Variants in PDZRN4 observed in about 807,000 individuals in gnomAD.
PDZRN4 encodes PDZ domain containing ring finger 4, also known as PDZ domain-containing RING finger protein 4.
In PDZRN4, 70 loss-of-function variants were observed where a neutral mutation model predicts 99.0. The ratio of observed to expected loss-of-function variants is 0.71; its 90% CI spans 0.58 to 0.86. The LOEUF is 0.86. Among genes scored for constraint, PDZRN4 ranks in the 40% least tolerant of loss-of-function variants. PDZRN4 has a pLI of 0.00. For missense variants in PDZRN4, 1,474 were observed against 1,331.2 expected, an observed-to-expected ratio of 1.11 and a Z score of -1.67; for synonymous variants, 551 against 501.6, an observed-to-expected ratio of 1.10 and a Z score of -1.32.
intron 3 of PDZRN4, among the ~76,000 whole-genome samples, chr12:41,207,694 G>A (rs947496787): frequency 1.3e-5 from 2 of 151,838 alleles, no homozygotes; most frequent in East Asian, 1.9e-4. Context: ...CCAACCACCA[G>A]GCAAATGGCT....
chr12:41,353,047 A>G (rs1037307822), intron 3 of PDZRN4, among the ~76,000 whole-genome samples: 3 of 151,782 alleles, frequency 2.0e-5, no homozygotes, highest in Non-Finnish European at 4.4e-5. Context: ...ATCTGGGAAA[A>G]CGAAGAGAGA....
At chr12:41,489,168 T>C (rs1309034555) in intron 3 of PDZRN4, among the ~76,000 whole-genome samples, 1 of 152,144 alleles carries the variant, frequency 6.6e-6, no homozygotes, top group Non-Finnish European at 1.5e-5. Context: ...CTTCTCCCAA[T>C]GTAGCCCAGG....
At chr12:41,373,151 A>G (rs1003097678) in intron 3 of PDZRN4, among the ~76,000 whole-genome samples, 1 of 152,266 alleles carries the variant, frequency 6.6e-6, no homozygotes, top group Non-Finnish European at 1.5e-5. Context: ...TTCACAAGGT[A>G]ATAGAATATC....
At chr12:41,392,201 C>T (rs1952215096) in intron 3 of PDZRN4, among the ~76,000 whole-genome samples, 1 of 152,068 alleles carries the variant, frequency 6.6e-6, no homozygotes, top group Admixed American at 6.6e-5. Flanking sequence ...ATTCAAGATT[C>T]CCCAATGGCT....
intron 3 of PDZRN4, among the ~76,000 whole-genome samples, chr12:41,456,801 G>A (rs564954743): frequency 3.7e-4 from 57 of 152,320 alleles, no homozygotes; most frequent in Admixed American, 3.3e-3. Context: ...ATACAGAAAT[G>A]AGGAGATTCT....
At chr12:41,530,533 C>T (rs373880767) in intron 5 of PDZRN4, among the ~76,000 whole-genome samples, 5 of 151,974 alleles carry the variant, frequency 3.3e-5, no homozygotes, top group South Asian at 4.2e-4. Context: ...ACTTGGTGGG[C>T]GTTTGGGTGT....
At chr12:41,350,449 A>G (rs1565559209) in intron 3 of PDZRN4, among the ~76,000 whole-genome samples, 1 of 152,180 alleles carries the variant, frequency 6.6e-6, no homozygotes, top group Non-Finnish European at 1.5e-5. Context: ...CACTCAAGGT[A>G]TCAAACAAAA....
intron 3 of PDZRN4, among the ~76,000 whole-genome samples, chr12:41,249,247 C>G (rs77451740): frequency 0.088 from 13,347 of 152,110 alleles, 766 homozygotes; most frequent in African/African-American, 0.17. Context: ...TGGCAAAAAT[C>G]GCAAGTACTT....
intron 3 of PDZRN4, among the ~76,000 whole-genome samples, chr12:41,313,009 C>T (rs1951617111): frequency 6.6e-6 from 1 of 152,170 alleles, no homozygotes; most frequent in African/African-American, 2.4e-5. Context: ...GCAACATAAA[C>T]TCAGGACACT....
chr12:41,388,925 C>T (rs1244680297), intron 3 of PDZRN4, among the ~76,000 whole-genome samples: 3 of 152,072 alleles, frequency 2.0e-5, no homozygotes, highest in Non-Finnish European at 4.4e-5. Flanking sequence ...CATGTATACT[C>T]ATGGTACTTT....
At chr12:41,330,190 A>G (rs1951733604) in intron 3 of PDZRN4, among the ~76,000 whole-genome samples, 1 of 150,578 alleles carries the variant, frequency 6.6e-6, no homozygotes. Context: ...GACAAAGTAC[A>G]AAGTATTTCT....
At chr12:41,279,704 A>C (rs1951371068) in intron 3 of PDZRN4, among the ~76,000 whole-genome samples, 1 of 152,208 alleles carries the variant, frequency 6.6e-6, no homozygotes, top group Non-Finnish European at 1.5e-5. Context: ...AGGAAGTACT[A>C]ATGTTTTCAA....
intron 3 of PDZRN4, among the ~76,000 whole-genome samples, chr12:41,229,561 AT>A (rs1951015863): frequency 6.6e-6 from 1 of 152,004 alleles, no homozygotes; most frequent in African/African-American, 2.4e-5. Flanking sequence ...CTTACTCCCT[AT>A]CTGCTATATC....
At chr12:41,473,916 G>T (rs1953017293) in intron 3 of PDZRN4, among the ~76,000 whole-genome samples, 1 of 152,172 alleles carries the variant, frequency 6.6e-6, no homozygotes, top group African/African-American at 2.4e-5. Context: ...AGAGTTTTTA[G>T]GAAAAACCTT....
chr12:41,559,635 A>G (rs1939232060), intron 7 of PDZRN4, among the ~76,000 whole-genome samples: 1 of 152,124 alleles, frequency 6.6e-6, no homozygotes. Flanking sequence ...GAAACTTTAC[A>G]AGAACTCAGT....
intron 3 of PDZRN4, among the ~76,000 whole-genome samples, chr12:41,282,134 T>C (rs1159111400): frequency 3.3e-5 from 5 of 152,106 alleles, no homozygotes; most frequent in Admixed American, 6.6e-5. Flanking sequence ...ACCCATCTCA[T>C]GTGCAACGAT....
intron 3 of PDZRN4, among the ~76,000 whole-genome samples, chr12:41,279,730 A>C (rs887551220): frequency 1.3e-5 from 2 of 152,220 alleles, no homozygotes; most frequent in African/African-American, 2.4e-5. Context: ...GGAAGAAGAC[A>C]TGGGTTGAAA....
At chr12:41,521,638 T>A (rs1938494819) in intron 5 of PDZRN4, among the ~76,000 whole-genome samples, 1 of 152,138 alleles carries the variant, frequency 6.6e-6, no homozygotes, top group Non-Finnish European at 1.5e-5. Context: ...AACTGAAGCC[T>A]GTGAAGGTTA....
chr12:41,565,064 T>C (rs1939340550), intron 8 of PDZRN4, among the ~76,000 whole-genome samples: 1 of 152,186 alleles, frequency 6.6e-6, no homozygotes, highest in South Asian at 2.1e-4. Flanking sequence ...TAGAAATTAA[T>C]AACATAGACC....
Sources: gnomAD v4.1 joint callset for allele counts (sites outside exome capture counted in the v4.1 genomes callset) on GRCh38, gnomAD v4.1.1 for gene constraint, MANE v1.5 for transcripts, NCBI Gene and HGNC (gene_info 2026-07-23, HGNC 2026-07-21) for gene names.